COG5: variants seen among roughly 807,000 people sequenced by gnomAD.
The protein encoded by COG5 is component of oligomeric golgi complex 5.
A neutral mutation model predicts 110.4 loss-of-function variants in COG5; 86 were observed. The ratio of observed to expected loss-of-function variants is 0.78; its 90% CI spans 0.65 to 0.93. COG5 has a LOEUF of 0.93. COG5 is among the 40% of genes least tolerant of loss of function. The probability of loss-of-function intolerance (pLI) is 0.00; values close to 1 mark genes in which losing one functional copy is unlikely to be tolerated. For synonymous variants in COG5, 360 were observed against 334.6 expected (o/e 1.08, Z -0.83); for missense variants, 1,077 against 987.0 (o/e 1.09, Z -1.22).
intron 15 of COG5, 93 bp from the exon 16 acceptor site, chr7:107,256,887 A>G: frequency 1.2e-6 from 1 of 814,968 alleles, no homozygotes; most frequent in Non-Finnish European, 2.1e-6. Flanking sequence ...TGTTTCCACA[A>G]AGTATATATA....
At chr7:107,517,855 G>A (rs375086777) in intron 6 of COG5, among the ~76,000 whole-genome samples, 24 of 151,938 alleles carry the variant, frequency 1.6e-4, no homozygotes, top group Non-Finnish European at 2.8e-4. Context: ...GCACCATCAC[G>A]CCTGGCTAAT....
chr7:107,227,704 GGC>G, intron 19 of COG5, among the ~76,000 whole-genome samples: 1 of 151,418 alleles, frequency 6.6e-6, no homozygotes, highest in Non-Finnish European at 1.5e-5. Context: ...TTTTTTTTGG[GGC>G]GGGGGGTGTG....
At chr7:107,265,126 G>T (rs1166764821) in intron 14 of COG5, among the ~76,000 whole-genome samples, 2 of 152,058 alleles carry the variant, frequency 1.3e-5, no homozygotes, top group African/African-American at 4.8e-5. Context: ...AACATTAAAA[G>T]GATGCAATCT....
intron 6 of COG5, among the ~76,000 whole-genome samples, chr7:107,524,534 T>C (rs527658789): frequency 1.2e-3 from 180 of 152,348 alleles, no homozygotes; most frequent in Non-Finnish European, 1.9e-3. Context: ...AGAAGTGTCA[T>C]TTAGTGTACA....
chr7:107,474,663 T>C lies in COG5; in HGVS notation c.538+52574A>G, dbSNP rs1189634645. ...AGACACTTTTATGTGTCAGTACAAA[T>C]GAATACTACACTGAACTGGGAATGT... On this transcript the variant is annotated intron_variant, in intron 6 of 21. Coordinates refer to ENST00000297135, the MANE Select transcript of COG5 (RefSeq NM_006348.5). This position sits in a 1 kb window ranked among gnomAD's most constrained non-coding sequence, Gnocchi z 5.7. The C allele has an allele frequency of 2.5e-6, 4 of 1,609,860 alleles. No individual in the cohort carries two copies. Among genetic ancestry groups the C allele is most frequent in the Non-Finnish European group, 3.4e-6 (4 of 1,176,752 alleles).
chr7:107,498,646 C>T (rs1034658135), intron 6 of COG5, among the ~76,000 whole-genome samples: 2 of 151,966 alleles, frequency 1.3e-5, no homozygotes, highest in Admixed American at 6.6e-5. Flanking sequence ...AAAACAGACA[C>T]GTGCTGGTGA....
intron 10 of COG5, among the ~76,000 whole-genome samples, chr7:107,342,386 A>AC (rs1476225292): frequency 3.3e-4 from 50 of 150,208 alleles, no homozygotes; most frequent in African/African-American, 1.1e-3. Context: ...AAAAAAAAAA[A>AC]CACACCACAG....
intron 5 of COG5, among the ~76,000 whole-genome samples, chr7:107,545,071 T>G (rs184110636): frequency 1.3e-5 from 2 of 152,264 alleles, no homozygotes; most frequent in Admixed American, 1.3e-4. Context: ...AGGGGTTATT[T>G]GAAATGATCC....
At chr7:107,395,636 C>A (rs940484054) in intron 7 of COG5, among the ~76,000 whole-genome samples, 4 of 144,208 alleles carry the variant, frequency 2.8e-5, no homozygotes, top group Non-Finnish European at 6.0e-5. Context: ...CTTACTGCAA[C>A]CTCCGCCTCC....
At chr7:107,488,981 T>C (rs1343125104) in intron 6 of COG5, among the ~76,000 whole-genome samples, 1 of 152,196 alleles carries the variant, frequency 6.6e-6, no homozygotes, top group Non-Finnish European at 1.5e-5. Context: ...TTTAGAGACC[T>C]GAGCAACCAA....
intron 6 of COG5, among the ~76,000 whole-genome samples, chr7:107,512,236 T>C (rs1192400275): frequency 6.6e-6 from 1 of 152,092 alleles, no homozygotes; most frequent in African/African-American, 2.4e-5. Context: ...ATCACAAGCA[T>C]CCTTATACAC....
chr7:107,429,621 TG>T (rs1793876253), intron 6 of COG5, among the ~76,000 whole-genome samples: 1 of 152,196 alleles, frequency 6.6e-6, no homozygotes, highest in South Asian at 2.1e-4. Flanking sequence ...GGTTTGGCTG[TG>T]TCCCTACCCA....
Position 107,491,503 on chromosome 7 carries a change from C to T in COG5, c.538+35734G>A, listed in dbSNP as rs553494368. On this transcript the variant is annotated intron_variant, in intron 6 of 21. Coordinates refer to ENST00000297135, the MANE Select transcript of COG5 (RefSeq NM_006348.5). ...TCTTTTCCCAGGTGAAGGCTCGTACCCTACAGCTGCCAATGAATGTTCTAT... is the reference window on the plus strand; with the variant it reads ...TCTTTTCCCAGGTGAAGGCTCGTACTCTACAGCTGCCAATGAATGTTCTAT... Among the ~76,000 whole-genome samples the T allele has an allele frequency of 2.0e-5, 3 of 152,256 alleles. No individual in the cohort carries two copies. The East Asian group carries it at 5.8e-4, about 29-fold the overall frequency.
chr7:107,377,445 G>T (rs1442500399), intron 7 of COG5, among the ~76,000 whole-genome samples: 1 of 151,964 alleles, frequency 6.6e-6, no homozygotes, highest in Non-Finnish European at 1.5e-5. Flanking sequence ...GTGGTAATTT[G>T]TGCCTCTTTT....
chr7:107,244,541 T>G (rs763463097), intron 17 of COG5, among the ~76,000 whole-genome samples: 18 of 152,048 alleles, frequency 1.2e-4, no homozygotes, highest in Non-Finnish European at 2.5e-4. Flanking sequence ...AGGAGTAGGC[T>G]TTTTGAAAAA....
At chr7:107,554,642 T>C (rs1232977649) in intron 2 of COG5, among the ~76,000 whole-genome samples, 1 of 152,102 alleles carries the variant, frequency 6.6e-6, no homozygotes, top group Admixed American at 6.6e-5. Flanking sequence ...AATTTATTGC[T>C]CACAGTTCTG....
chr7:107,501,236 T>C (rs981996869), intron 6 of COG5, among the ~76,000 whole-genome samples: 7 of 151,952 alleles, frequency 4.6e-5, no homozygotes, highest in African/African-American at 1.4e-4. Flanking sequence ...ATATTATTAG[T>C]AATATATACT....
chr7:107,380,117 T>C (rs1368704416), intron 7 of COG5, among the ~76,000 whole-genome samples: 1 of 152,082 alleles, frequency 6.6e-6, no homozygotes, highest in Non-Finnish European at 1.5e-5. Context: ...GATTGAGAAA[T>C]TCACTCAAAT....
intron 12 of COG5, among the ~76,000 whole-genome samples, chr7:107,294,826 C>A (rs1221432312): frequency 7.2e-6 from 1 of 139,392 alleles, no homozygotes; most frequent in Non-Finnish European, 1.5e-5. Context: ...TGCAGTTTTC[C>A]TGCCTCAGCC....
Sources: allele counts gnomAD v4.1 joint callset (sites outside exome capture counted in the v4.1 genomes callset), GRCh38; gene constraint gnomAD v4.1.1; non-coding constraint Gnocchi (gnomAD v3.1); transcripts MANE v1.5; gene names NCBI Gene and HGNC (gene_info 2026-07-23, HGNC 2026-07-21).